Variants in ZFP64 observed in about 807,000 individuals in gnomAD.
ZFP64 encodes the protein ZFP64 zinc finger protein, also known as zinc finger protein 64.
Under a neutral mutation model 51.6 loss-of-function variants are expected in ZFP64, and 14 were observed. The observed-to-expected ratio is 0.27, with a 90% CI of 0.18 to 0.42. The LOEUF is 0.42. Ranked by LOEUF, ZFP64 falls within the 10% of genes least tolerant of loss-of-function variation. The pLI is 1.00. For synonymous variants in ZFP64, 375 were observed against 361.4 expected (o/e 1.04, Z -0.43); for missense variants, 754 against 906.8 (o/e 0.83, Z 2.16).
intron 5 of ZFP64, among the ~76,000 whole-genome samples, chr20:52,116,289 C>T (rs1156697720): frequency 6.6e-6 from 1 of 151,652 alleles, no homozygotes; most frequent in African/African-American, 2.4e-5. Flanking sequence ...GCATGCATCA[C>T]CACGCACGGC....
rs139132110 is a variant in ZFP64 at position 52,102,760 on chromosome 20, C to T, written c.764-4173G>A. Among the ~76,000 whole-genome samples, 601 of 152,322 alleles carry T rather than the reference C, an allele frequency of 3.9e-3. 6 individuals are homozygous for T. Among genetic ancestry groups the T allele is most frequent in the African/African-American group, 0.013 (560 of 41,576 alleles). ...TCCCACTGGATAAGCTACTCAACTT[C>T]CCCGTTCCTCAGTTTCCACATCTGT... On this transcript the variant is annotated intron_variant, in intron 5 of 8. Transcript: ENST00000361387.
intron 5 of ZFP64, among the ~76,000 whole-genome samples, chr20:52,139,226 T>C (rs1358063817): frequency 6.6e-6 from 1 of 152,182 alleles, no homozygotes; most frequent in Non-Finnish European, 1.5e-5. Context: ...ATCGCAGCAC[T>C]ATTCACGATA....
intron 5 of ZFP64, among the ~76,000 whole-genome samples, chr20:52,154,591 A>T (rs1000369339): frequency 6.6e-6 from 1 of 152,208 alleles, no homozygotes; most frequent in Non-Finnish European, 1.5e-5. Flanking sequence ...TGCTTAATGA[A>T]TGCAAACAAA....
intron 5 of ZFP64, among the ~76,000 whole-genome samples, chr20:52,113,336 A>AAAAGAAAG (rs137886019): frequency 8.8e-5 from 13 of 147,616 alleles, no homozygotes; most frequent in African/African-American, 3.3e-4. Context: ...TCCGCCTCAA[A>AAAAGAAAG]AAAGAAAGAA....
At chr20:52,111,449 A>G (rs1978577409) in intron 5 of ZFP64, among the ~76,000 whole-genome samples, 2 of 151,830 alleles carry the variant, frequency 1.3e-5, no homozygotes, top group South Asian at 2.1e-4. Context: ...TCCCAACCTC[A>G]GGTGATCTGC....
chr20:52,140,847 T>A (rs6096791), intron 5 of ZFP64, among the ~76,000 whole-genome samples: 55,172 of 152,024 alleles, frequency 0.36, 10,772 homozygotes, highest in Non-Finnish European at 0.42. Context: ...AGGGGAGAAG[T>A]CAATGTCTGG....
intron 5 of ZFP64, among the ~76,000 whole-genome samples, chr20:52,106,802 A>C (rs1978321833): frequency 6.6e-6 from 1 of 152,212 alleles, no homozygotes; most frequent in African/African-American, 2.4e-5. Flanking sequence ...GACATTTGAA[A>C]ATATATACAC....
intron 5 of ZFP64, among the ~76,000 whole-genome samples, chr20:52,106,425 C>T (rs1039184044): frequency 2.0e-5 from 3 of 152,074 alleles, no homozygotes; most frequent in African/African-American, 7.2e-5. Context: ...CCCAGCCAGG[C>T]TCATCTCCGA....
At chr20:52,119,532 AAAT>A (rs1387565774) in intron 5 of ZFP64, among the ~76,000 whole-genome samples, 1,044 of 84,734 alleles carry the variant, frequency 0.012, 8 homozygotes, top group African/African-American at 0.044. Flanking sequence ...AAAAAAAAAA[AAAT>A]ATATATATAT....
chr20:52,098,199 T>TATG lies in ZFP64; in HGVS notation c.913+236_913+238dup, dbSNP rs543306259. ...AAAAAAAAAAAAAAAAGAGTCCATA[T>TATG]ATGTATAACCTCAGGGTGGAAGCTA... On this transcript the variant is annotated intron_variant, in intron 6 of 8. Transcript: ENST00000361387. Among the ~76,000 whole-genome samples the TATG allele has an allele frequency of 9.3e-3, 1,357 of 145,552 alleles. 6 individuals are homozygous for TATG. Among genetic ancestry groups the TATG allele is most frequent in the Non-Finnish European group, 0.015 (1,003 of 67,114 alleles).
In ZFP64 at chr20:52,172,204, GGTGTGTGTGTGTGTGTTTGTGT is replaced by G. The variant is rs202165673; in HGVS notation, c.287-6201_287-6180del. Among the ~76,000 whole-genome samples the G allele has an allele frequency of 4.0e-5, 6 of 150,138 alleles. No individual in the cohort carries two copies. In the East Asian group the frequency reaches 9.8e-4, roughly 24 times the overall value. On this transcript the variant is annotated intron_variant, in intron 2 of 5. Transcript: ENST00000216923. ...TGCCAGGGGTGTGTGTGTGTGTGTTGGTGTGTGTGTGTGTGTTTGTGTGTGTGTGTGTGTACAGTCAGATTGA... is the reference window on the plus strand; with the variant it reads ...TGCCAGGGGTGTGTGTGTGTGTGTTGGTGTGTGTGTGTACAGTCAGATTGA...
chr20:52,090,085 T>C (rs760401094), intron 7 of ZFP64, among the ~76,000 whole-genome samples: 6 of 152,194 alleles, frequency 3.9e-5, no homozygotes, highest in Non-Finnish European at 8.8e-5. Context: ...AAGCTCGTTC[T>C]AGATGGTCCA....
rs1600678641 is a variant in ZFP64 at position 52,085,481 on chromosome 20, C to T, written c.1229-215G>A. Among the ~76,000 whole-genome samples, 1 of 152,332 alleles carries T rather than the reference C, an allele frequency of 6.6e-6. No individual in the cohort carries two copies. Among genetic ancestry groups the T allele is most frequent in the South Asian group, 2.1e-4 (1 of 4,818 alleles). ...TACCCCCACTTTACAGATGGGACAA[C>T]TGAGGCTCAGAGAGGTCAAGTTACT... On this transcript the variant is annotated intron_variant, in intron 8 of 8. Coordinates refer to the ZFP64 transcript ENST00000361387. The surrounding 1 kb of genome is among the most constrained non-coding windows in gnomAD (Gnocchi z 4.3).
At chr20:52,179,945 G>A (rs970082490) in intron 2 of ZFP64, among the ~76,000 whole-genome samples, 1 of 152,240 alleles carries the variant, frequency 6.6e-6, no homozygotes, top group African/African-American at 2.4e-5. Context: ...AAGAAGTAAT[G>A]TCACTCAGAT....
At chr20:52,099,929 A>G (rs571560940) in intron 5 of ZFP64, among the ~76,000 whole-genome samples, 4 of 152,374 alleles carry the variant, frequency 2.6e-5, no homozygotes, top group Non-Finnish European at 4.4e-5. Context: ...ATTAAGTACT[A>G]GAAGATTCTG....
chr20:52,097,510 A>C (rs2079002490), intron 6 of ZFP64: 1 of 1,399,224 alleles, frequency 7.1e-7, no homozygotes, highest in East Asian at 2.3e-5. Context: ...GCTGGAGTGC[A>C]GTGGCTCCAT....
intron 5 of ZFP64, among the ~76,000 whole-genome samples, chr20:52,158,246 A>G (rs1441652880): frequency 3.9e-5 from 6 of 152,222 alleles, no homozygotes; most frequent in Admixed American, 2.0e-4. Flanking sequence ...TTTTATTTCA[A>G]CCGTCTCTAG....
chr20:52,128,453 C>T (rs139281447), intron 5 of ZFP64, among the ~76,000 whole-genome samples: 1 of 152,240 alleles, frequency 6.6e-6, no homozygotes, highest in African/African-American at 2.4e-5. Flanking sequence ...ATCTAGCCTA[C>T]CATAGCAACT....
chr20:52,105,142 C>T (rs1408239393), intron 5 of ZFP64: 4 of 1,433,660 alleles, frequency 2.8e-6, no homozygotes, highest in South Asian at 1.6e-5. Context: ...CCGGCTCCCC[C>T]GCCACCTGCG....
Sources: gnomAD v4.1 joint callset for allele counts (sites outside exome capture counted in the v4.1 genomes callset) on GRCh38, gnomAD v4.1.1 for gene constraint, Gnocchi (gnomAD v3.1) non-coding constraint, MANE v1.5 for transcripts, NCBI Gene and HGNC (gene_info 2026-07-23, HGNC 2026-07-21) for gene names.